Variants in SMARCAL1 observed in about 807,000 individuals in gnomAD.
The protein encoded by SMARCAL1 is SNF2 related chromatin remodeling annealing helicase 1.
A neutral mutation model predicts 94.5 loss-of-function variants in SMARCAL1; 58 were observed. The observed-to-expected ratio is 0.61, with a 90% CI of 0.50 to 0.76. The LOEUF (loss-of-function observed/expected upper bound fraction) is 0.76. Among genes scored for constraint, SMARCAL1 ranks in the 30% least tolerant of loss-of-function variants. The probability of loss-of-function intolerance (pLI) is 0.00; values close to 1 mark genes in which losing one functional copy is unlikely to be tolerated. For missense variants in SMARCAL1, 1,051 were observed against 1,177.9 expected (o/e 0.89, Z 1.58); for synonymous variants, 422 against 455.1 (o/e 0.93, Z 0.93).
chr2:216,444,255 G>A (rs1462653673), intron 10 of SMARCAL1, among the ~76,000 whole-genome samples: 2 of 152,068 alleles, frequency 1.3e-5, no homozygotes, highest in Non-Finnish European at 2.9e-5. Context: ...TTTATTTAGA[G>A]TACCATTAGG....
chr2:216,422,475 C>T (rs968765680), intron 5 of SMARCAL1, among the ~76,000 whole-genome samples: 1 of 152,242 alleles, frequency 6.6e-6, no homozygotes, highest in Non-Finnish European at 1.5e-5. Context: ...GGTATGGATA[C>T]TGATCCTGCT....
chr2:216,414,456 G>T, intron 2 of SMARCAL1, 191 bp from the exon 3 acceptor site: 1 of 487,330 alleles, frequency 2.1e-6, no homozygotes, highest in Non-Finnish European at 3.7e-6. Flanking sequence ...TTTGCTTTTT[G>T]ATCAGGGTCT....
chr2:216,437,081 T>C (rs979382247), intron 9 of SMARCAL1, among the ~76,000 whole-genome samples: 1 of 152,262 alleles, frequency 6.6e-6, no homozygotes. Context: ...AGAAATGTTG[T>C]AAGAAAGAAT....
In SMARCAL1 at chr2:216,471,406, G is replaced by T. The variant is rs532085631; in HGVS notation, c.2244+3360G>T. Among the ~76,000 whole-genome samples the T allele has an allele frequency of 3.3e-5, 5 of 151,266 alleles. No individual in the cohort carries two copies. In the South Asian group the frequency reaches 1.0e-3, roughly 32 times the overall value. On this transcript the variant is annotated intron_variant, in intron 14 of 17. Transcript: ENST00000357276. ...AGTTTTTGCTCTGTCGCTCAGGCTG[G>T]AGTGCAATGGTGCAATCTCAGCTGA...
rs571635846 is a variant in SMARCAL1, at chr2:216,441,875, T to A, written c.1710+3390T>A. ...GGTGTGTGTTTGGGGTTTTTTGGTT[T>A]AGTTTAGTTGTCTTTTGTCTACACT... On this transcript the variant is annotated intron_variant, in intron 10 of 17. Transcript: ENST00000357276. Among the ~76,000 whole-genome samples the A allele has an allele frequency of 3.5e-3, 538 of 152,266 alleles. 3 individuals are homozygous for A. Among genetic ancestry groups the A allele is most frequent in the African/African-American group, 0.012 (510 of 41,554 alleles).
chr2:216,474,868 A>C (rs1695037701), intron 14 of SMARCAL1, among the ~76,000 whole-genome samples: 1 of 152,172 alleles, frequency 6.6e-6, no homozygotes, highest in African/African-American at 2.4e-5. Context: ...GCAATGTTGG[A>C]GTTGTTGAGT....
chr2:216,422,832 CTATT>C (rs1693753775), intron 5 of SMARCAL1, among the ~76,000 whole-genome samples: 1 of 152,196 alleles, frequency 6.6e-6, no homozygotes, highest in African/African-American at 2.4e-5. Context: ...AGAAATTCCT[CTATT>C]TAAAGAATCA....
Position 216,447,017 on chromosome 2 carries a change from G to A in SMARCAL1, c.1711-1G>A. 6.2e-7 allele frequency: 1 copy of A among 1,613,952 alleles called. No homozygotes were observed. The highest frequency in any genetic ancestry group is 1.1e-5 in the South Asian group (1 of 91,084). ...AGCACCTTTGGCTGTTTGTCTTTTA[G>A]GTTGCCAAGAGGGTGATCCTGTTGT... On this transcript the variant is annotated splice_acceptor_variant, in intron 10 of 17. Coordinates refer to ENST00000357276, the MANE Select transcript of SMARCAL1 (RefSeq NM_014140.4). LOFTEE classifies it high-confidence loss of function.
chr2:216,473,196 G>A (rs284525), intron 14 of SMARCAL1, among the ~76,000 whole-genome samples: 3 of 151,194 alleles, frequency 2.0e-5, no homozygotes, highest in Admixed American at 1.3e-4. Context: ...TCTGGTCTAC[G>A]GTCTGTCACT....
chr2:216,419,648 G>A (rs769815701), intron 4 of SMARCAL1, among the ~76,000 whole-genome samples: 11 of 152,122 alleles, frequency 7.2e-5, no homozygotes, highest in South Asian at 2.1e-4. Flanking sequence ...CTCCGACACC[G>A]TGCCAGAAAT....
At chr2:216,480,758 G>T (rs1037588082) in intron 17 of SMARCAL1, among the ~76,000 whole-genome samples, 1 of 152,200 alleles carries the variant, frequency 6.6e-6, no homozygotes, top group Non-Finnish European at 1.5e-5. Context: ...ACAGTGGCCA[G>T]GTACGTTGAG....
At chr2:216,417,570 A>G (rs978985102) in intron 4 of SMARCAL1, among the ~76,000 whole-genome samples, 3 of 152,178 alleles carry the variant, frequency 2.0e-5, no homozygotes, top group Non-Finnish European at 4.4e-5. Flanking sequence ...CATTTAACTT[A>G]TTAACCTCTT....
At chr2:216,460,215 G>A (rs898437730) in intron 12 of SMARCAL1, among the ~76,000 whole-genome samples, 2 of 152,190 alleles carry the variant, frequency 1.3e-5, no homozygotes, top group African/African-American at 4.8e-5. Context: ...TGGAGAAATA[G>A]GAGCACTTTT....
chr2:216,455,771 A>G (rs1694551804), intron 12 of SMARCAL1, among the ~76,000 whole-genome samples: 2 of 152,234 alleles, frequency 1.3e-5, no homozygotes, highest in Admixed American at 1.3e-4. Context: ...AGAAAAACTG[A>G]AAATTCTAAA....
intron 12 of SMARCAL1, among the ~76,000 whole-genome samples, chr2:216,460,835 TA>T (rs1235023768): frequency 2.0e-5 from 3 of 152,060 alleles, no homozygotes; most frequent in Non-Finnish European, 2.9e-5. Flanking sequence ...TAAAGTGTAA[TA>T]AAAAAATATA....
chr2:216,446,002 C>T (rs1694306216), intron 10 of SMARCAL1, among the ~76,000 whole-genome samples: 1 of 152,200 alleles, frequency 6.6e-6, no homozygotes, highest in African/African-American at 2.4e-5. Context: ...CAGTGGTTAA[C>T]AAGCTGTTTC....
intron 7 of SMARCAL1, among the ~76,000 whole-genome samples, chr2:216,431,134 T>C (rs796189360): frequency 2.4e-4 from 37 of 152,342 alleles, no homozygotes; most frequent in African/African-American, 8.4e-4. Flanking sequence ...ATGCCTGTTG[T>C]CCCCACACTC....
intron 4 of SMARCAL1, among the ~76,000 whole-genome samples, chr2:216,420,028 C>CAAA (rs60555710): frequency 1.7e-4 from 7 of 40,152 alleles, no homozygotes; most frequent in East Asian, 5.1e-4. Context: ...GACCCCGTCT[C>CAAA]AAAAAAAAAA....
intron 9 of SMARCAL1, among the ~76,000 whole-genome samples, chr2:216,436,657 A>G (rs1370534100): frequency 6.6e-6 from 1 of 152,260 alleles, no homozygotes; most frequent in Admixed American, 6.5e-5. Flanking sequence ...AGATGTCAGC[A>G]TACATGTGAA....
Sources: gnomAD v4.1 joint callset for allele counts (sites outside exome capture counted in the v4.1 genomes callset) on GRCh38, gnomAD v4.1.1 for gene constraint, MANE v1.5 for transcripts, NCBI Gene and HGNC (gene_info 2026-07-23, HGNC 2026-07-21) for gene names.